NCAM2: variants seen among roughly 807,000 people sequenced by gnomAD.
The protein encoded by NCAM2 is N-CAM-2.
Under a neutral mutation model 98.1 loss-of-function variants are expected in NCAM2, and 30 were observed. That is an observed-to-expected ratio of 0.31 (90% CI 0.23 to 0.41). The LOEUF (loss-of-function observed/expected upper bound fraction) is 0.41, where lower values mean the gene tolerates loss of function less well. NCAM2 is among the 10% of genes least tolerant of loss of function. NCAM2 has a pLI of 1.00. For synonymous variants in NCAM2, 368 were observed against 342.4 expected, an observed-to-expected ratio of 1.07 and a Z score of -0.83; for missense variants, 867 against 1,005.8, an observed-to-expected ratio of 0.86 and a Z score of 1.87.
At chr21:21,376,321 A>C (rs2076031534) in intron 9 of NCAM2, among the ~76,000 whole-genome samples, 2 of 151,776 alleles carry the variant, frequency 1.3e-5, no homozygotes, top group South Asian at 4.1e-4. Context: ...GTAAAACCTC[A>C]CTGAAAATAG....
At chr21:21,029,456 T>A (rs1190403638) in intron 1 of NCAM2, among the ~76,000 whole-genome samples, 7 of 152,174 alleles carry the variant, frequency 4.6e-5, no homozygotes, top group Non-Finnish European at 5.9e-5. Context: ...TGTCTGCGGT[T>A]AACTTTTGAG....
chr21:21,222,928 GT>G (rs1393968791), intron 1 of NCAM2, among the ~76,000 whole-genome samples: 1 of 152,118 alleles, frequency 6.6e-6, no homozygotes, highest in Non-Finnish European at 1.5e-5. Flanking sequence ...TTGTTGTCTT[GT>G]TTTAAGAAAT....
At position 21,262,853 on chromosome 21, in the gene NCAM2, G is replaced by C. The variant is rs183957907; in HGVS notation, c.56-17725G>C. The stretch of plus-strand genomic sequence containing the variant: ...GGCAGAAGGTGAAAGTCAAGTCTCA[G>C]ATGGCAGCAGAGAGAGAAGAGAGCT... On this transcript the variant is annotated intron_variant, in intron 1 of 17. Transcript: ENST00000400546. Among the ~76,000 whole-genome samples the C allele has an allele frequency of 4.1e-3, 625 of 152,162 alleles. 6 individuals are homozygous for C. Among genetic ancestry groups the C allele is most frequent in the African/African-American group, 0.015 (607 of 41,514 alleles).
chr21:21,181,516 A>C (rs185049019), intron 1 of NCAM2, among the ~76,000 whole-genome samples: 19 of 152,290 alleles, frequency 1.2e-4, no homozygotes, highest in Admixed American at 1.2e-3. Flanking sequence ...AATTAAAATA[A>C]AGTCTTATTT....
intron 15 of NCAM2, among the ~76,000 whole-genome samples, chr21:21,505,984 G>A (rs1025401756): frequency 6.6e-6 from 1 of 151,904 alleles, no homozygotes; most frequent in Non-Finnish European, 1.5e-5. Context: ...ATGATGGTAA[G>A]TGATGAAACC....
chr21:21,429,784 C>A (rs1479343158), intron 11 of NCAM2, among the ~76,000 whole-genome samples: 1 of 152,094 alleles, frequency 6.6e-6, no homozygotes, highest in African/African-American at 2.4e-5. Context: ...TGTGTTTGAA[C>A]CTTAGAGTTG....
intron 11 of NCAM2, among the ~76,000 whole-genome samples, chr21:21,430,783 C>G (rs2077318378): frequency 6.6e-6 from 1 of 152,038 alleles, no homozygotes; most frequent in Non-Finnish European, 1.5e-5. Flanking sequence ...CACTGTGGCT[C>G]ACTCCTGTAA....
intron 16 of NCAM2, among the ~76,000 whole-genome samples, chr21:21,522,190 G>T (rs1235354801): frequency 6.8e-6 from 1 of 147,332 alleles, no homozygotes; most frequent in Admixed American, 6.8e-5. Flanking sequence ...ATGAATGAAT[G>T]CTATATATAT....
intron 1 of NCAM2, among the ~76,000 whole-genome samples, chr21:21,247,212 G>T (rs1169244260): frequency 6.6e-6 from 1 of 151,962 alleles, no homozygotes; most frequent in Non-Finnish European, 1.5e-5. Context: ...CCAGCTACTC[G>T]GGAGGCTGAG....
chr21:21,449,371 T>TA lies in NCAM2; in HGVS notation c.1654+17103dup, dbSNP rs910108031. On this transcript the variant is annotated intron_variant, in intron 12 of 17. Transcript: ENST00000400546. Reference sequence around the variant, plus strand: ...AAAGTATTCATAGTGCCCAGAAACTTAAAAAAAAAAAAATTAGAGCTCATC... The same window carrying TA: ...AAAGTATTCATAGTGCCCAGAAACTTAAAAAAAAAAAAAATTAGAGCTCATC... Among the ~76,000 whole-genome samples the TA allele has an allele frequency of 8.1e-3, 1,164 of 143,232 alleles. 13 individuals carry two copies. Among genetic ancestry groups the TA allele is most frequent in the African/African-American group, 0.023 (921 of 39,474 alleles). 94.0% of individuals were successfully genotyped at this position (143,232 alleles called of 152,430 possible).
intron 1 of NCAM2, among the ~76,000 whole-genome samples, chr21:21,107,839 A>G (rs2066380090): frequency 6.6e-6 from 1 of 152,092 alleles, no homozygotes; most frequent in South Asian, 2.1e-4. Context: ...GTCACTGCCA[A>G]TACTTAATTT....
intron 10 of NCAM2, among the ~76,000 whole-genome samples, chr21:21,412,898 A>T (rs2076916432): frequency 6.6e-6 from 1 of 152,164 alleles, no homozygotes; most frequent in South Asian, 2.1e-4. Flanking sequence ...TTTGTTTAGT[A>T]ATTATTGTAA....
intron 1 of NCAM2, among the ~76,000 whole-genome samples, chr21:21,184,487 G>C (rs1423486707): frequency 6.6e-6 from 1 of 152,048 alleles, no homozygotes; most frequent in Non-Finnish European, 1.5e-5. Context: ...TTTAAAATCT[G>C]ATGCCTGGGC....
chr21:21,259,095 C>G (rs1392335266), intron 1 of NCAM2, among the ~76,000 whole-genome samples: 2 of 152,100 alleles, frequency 1.3e-5, no homozygotes, highest in Non-Finnish European at 2.9e-5. Flanking sequence ...AGAAGGTGCT[C>G]TTCACACTTT....
chr21:21,038,981 A>G (rs1416262379), intron 1 of NCAM2, among the ~76,000 whole-genome samples: 1 of 152,192 alleles, frequency 6.6e-6, no homozygotes, highest in African/African-American at 2.4e-5. Flanking sequence ...TAAAGGGTAT[A>G]TTTCTTGATC....
chr21:21,161,447 C>G (rs2067780252), intron 1 of NCAM2, among the ~76,000 whole-genome samples: 1 of 151,580 alleles, frequency 6.6e-6, no homozygotes, highest in African/African-American at 2.4e-5. Context: ...TTAATATATT[C>G]ACACCTAGAT....
At position 21,508,989 on chromosome 21, in the gene NCAM2, T is replaced by C. The variant is rs1041807151; in HGVS notation, c.2216T>C (p.Met739Thr). The change falls in exon 16 of 18, where the codon ATG becomes ACG. Residue 739 changes from methionine to threonine, a missense_variant. By Grantham distance (81) the Met-to-Thr change is moderately conservative. Coordinates refer to ENST00000400546, the MANE Select transcript of NCAM2 (RefSeq NM_004540.5). ...TTGCTGATGTGCATCACTAGGAGAA[T>C]GTGTGGAAAGAAAAGTGGCTCCAGT... ...CGLLMCITRR[M>T]CGKKSGSSGK... The C allele has an allele frequency of 1.2e-6, 2 of 1,613,644 alleles. No individual in the cohort carries two copies. The highest frequency in any genetic ancestry group is 1.7e-6 in the Non-Finnish European group (2 of 1,179,790).
intron 5 of NCAM2, among the ~76,000 whole-genome samples, chr21:21,296,006 T>C (rs1273128285): frequency 6.6e-6 from 1 of 151,832 alleles, no homozygotes; most frequent in Non-Finnish European, 1.5e-5. Flanking sequence ...GCTGAAGAGT[T>C]TTTACTGTCA....
At chr21:21,314,636 C>T (rs1043546388) in intron 5 of NCAM2, among the ~76,000 whole-genome samples, 3 of 152,064 alleles carry the variant, frequency 2.0e-5, no homozygotes, top group African/African-American at 7.2e-5. Flanking sequence ...TAAGAAGTTC[C>T]TGAAGTCTAT....
Sources: allele counts gnomAD v4.1 joint callset (sites outside exome capture counted in the v4.1 genomes callset), GRCh38; gene constraint gnomAD v4.1.1; transcripts MANE v1.5; gene names NCBI Gene and HGNC (gene_info 2026-07-23, HGNC 2026-07-21).